Variants in MRPS27 observed in about 807,000 individuals in gnomAD.
The protein encoded by MRPS27 is mitochondrial ribosomal protein S27.
A neutral mutation model predicts 48.9 loss-of-function variants in MRPS27; 43 were observed. The observed-to-expected ratio is 0.88, with a 90% CI of 0.69 to 1.13. The LOEUF is 1.13. Among genes scored for constraint, MRPS27 ranks in the 50% most tolerant of loss-of-function variants. The probability of loss-of-function intolerance (pLI) is 0.00; values close to 1 mark genes in which losing one functional copy is unlikely to be tolerated. For missense variants in MRPS27, 467 were observed against 476.3 expected, an observed-to-expected ratio of 0.98 and a Z score of 0.18; for synonymous variants, 188 against 171.9, an observed-to-expected ratio of 1.09 and a Z score of -0.73.
intron 4 of MRPS27, among the ~76,000 whole-genome samples, chr5:72,261,393 A>C (rs1748970170): frequency 6.6e-6 from 1 of 152,136 alleles, no homozygotes; most frequent in Non-Finnish European, 1.5e-5. Flanking sequence ...CTGGGATTAC[A>C]GACGCCACCA....
intron 7 of MRPS27, among the ~76,000 whole-genome samples, chr5:72,230,018 T>C (rs1199840457): frequency 6.6e-6 from 1 of 152,180 alleles, no homozygotes. Flanking sequence ...CCTGAGTAGC[T>C]AGGACTATAG....
chr5:72,237,339 G>C (rs1459302436), intron 5 of MRPS27, among the ~76,000 whole-genome samples: 1 of 151,912 alleles, frequency 6.6e-6, no homozygotes, highest in African/African-American at 2.4e-5. Context: ...AAGTTGAACT[G>C]GTGCAACTGG....
chr5:72,288,765 T>G (rs1156521461), intron 4 of MRPS27: 1 of 152,246 alleles, frequency 6.6e-6, no homozygotes, highest in Non-Finnish European at 1.5e-5. Flanking sequence ...TTAATAATGT[T>G]CAGGCATAAT....
intron 4 of MRPS27, among the ~76,000 whole-genome samples, chr5:72,286,307 A>C (rs2112043098): frequency 6.6e-6 from 1 of 152,336 alleles, no homozygotes; most frequent in Admixed American, 6.5e-5. Context: ...AGAACATGCA[A>C]AAGTTGAAGG....
intron 4 of MRPS27, among the ~76,000 whole-genome samples, chr5:72,248,120 T>C (rs1249026094): frequency 6.6e-6 from 1 of 152,202 alleles, no homozygotes; most frequent in Non-Finnish European, 1.5e-5. Context: ...ATAATACATT[T>C]AATAGGCAGC....
At chr5:72,317,968 G>C (rs996950638) in intron 1 of MRPS27, among the ~76,000 whole-genome samples, 35 of 152,198 alleles carry the variant, frequency 2.3e-4, no homozygotes, top group African/African-American at 8.0e-4. Context: ...ATTGGAAGAA[G>C]AACAATTGTC....
rs973393457 is a variant in MRPS27 at position 72,255,037 on chromosome 5, T to C, written c.282-16909A>G. ...TGTAACACATTTCTTTTCTTTTTTT[T>C]TTTTTTTTTTTTTTTTTTTGAGACA... On this transcript the variant is annotated intron_variant, in intron 4 of 10. Coordinates refer to ENST00000261413, the MANE Select transcript of MRPS27 (RefSeq NM_015084.3). Among the ~76,000 whole-genome samples the C allele has an allele frequency of 4.6e-3, 611 of 132,296 alleles. 2 individuals are homozygous for C. The highest frequency in any genetic ancestry group is 0.017 in the African/African-American group (590 of 34,230). The allele number at this position is 132,296 out of a possible 152,430, so 86.8% of individuals were successfully genotyped here.
chr5:72,302,446 T>C (rs1016844545), intron 2 of MRPS27, among the ~76,000 whole-genome samples: 65 of 152,206 alleles, frequency 4.3e-4, no homozygotes, highest in African/African-American at 1.4e-3. Context: ...GGAGCAACCA[T>C]GGGAGGGAAC....
chr5:72,316,767 T>C (rs565172236), intron 1 of MRPS27, among the ~76,000 whole-genome samples: 2 of 149,806 alleles, frequency 1.3e-5, no homozygotes, highest in African/African-American at 2.4e-5. Context: ...CAGTGGCTCA[T>C]GCCTGTAATC....
chr5:72,243,191 G>A (rs1249384894), intron 4 of MRPS27, among the ~76,000 whole-genome samples: 1 of 152,216 alleles, frequency 6.6e-6, no homozygotes, highest in East Asian at 1.9e-4. Context: ...AAAGCCTGTA[G>A]TGTGGACTGA....
chr5:72,228,035 A>G (rs762909919), intron 8 of MRPS27: 33 of 555,244 alleles, frequency 5.9e-5, no homozygotes, highest in Non-Finnish European at 8.8e-5. Flanking sequence ...ATTATTACCT[A>G]TATCCACCAG....
intron 2 of MRPS27, among the ~76,000 whole-genome samples, chr5:72,298,041 T>C (rs1319931247): frequency 6.6e-6 from 1 of 152,004 alleles, no homozygotes; most frequent in East Asian, 1.9e-4. Context: ...AAAACAAAAA[T>C]TGACAAGTGG....
intron 4 of MRPS27, among the ~76,000 whole-genome samples, chr5:72,286,796 A>G (rs540616622): frequency 2.4e-4 from 36 of 152,338 alleles, no homozygotes; most frequent in African/African-American, 8.7e-4. Context: ...ACTGCTGGGA[A>G]ATAGTATGGC....
chr5:72,253,308 T>C (rs1434767898), intron 4 of MRPS27, among the ~76,000 whole-genome samples: 6 of 152,208 alleles, frequency 3.9e-5, no homozygotes, highest in East Asian at 1.9e-4. Context: ...CTGTAGGAAA[T>C]AGAGATAAGC....
intron 4 of MRPS27, among the ~76,000 whole-genome samples, chr5:72,266,334 C>A (rs2112009866): frequency 6.6e-6 from 1 of 152,254 alleles, no homozygotes; most frequent in African/African-American, 2.4e-5. Context: ...TCTTTCTCCA[C>A]CTCCCCCAAG....
intron 2 of MRPS27, among the ~76,000 whole-genome samples, chr5:72,306,473 G>A (rs1282965178): frequency 6.6e-6 from 1 of 152,188 alleles, no homozygotes; most frequent in Non-Finnish European, 1.5e-5. Flanking sequence ...AGGCAGAGGA[G>A]CACGCTAAAC....
intron 4 of MRPS27, among the ~76,000 whole-genome samples, chr5:72,245,527 T>C (rs946630406): frequency 2.6e-5 from 4 of 151,870 alleles, no homozygotes; most frequent in African/African-American, 7.3e-5. Flanking sequence ...GAAAATCACA[T>C]ATATTAATTA....
intron 4 of MRPS27, among the ~76,000 whole-genome samples, chr5:72,263,456 T>G (rs1224550457): frequency 1.3e-5 from 2 of 150,868 alleles, no homozygotes; most frequent in Non-Finnish European, 3.0e-5. Context: ...ACTTTTTGCA[T>G]TAAATATTAT....
chr5:72,279,730 CAAAAA>C (rs912128904), intron 4 of MRPS27, among the ~76,000 whole-genome samples: 4 of 151,792 alleles, frequency 2.6e-5, no homozygotes, highest in Non-Finnish European at 5.9e-5. Flanking sequence ...TAAAACAAAA[CAAAAA>C]AATTTATCAA....
Sources: allele counts gnomAD v4.1 joint callset (sites outside exome capture counted in the v4.1 genomes callset), GRCh38; gene constraint gnomAD v4.1.1; transcripts MANE v1.5; gene names NCBI Gene and HGNC (gene_info 2026-07-23, HGNC 2026-07-21).